EGF: variants seen among roughly 807,000 people sequenced by gnomAD.
EGF encodes the protein pro-epidermal growth factor.
EGF carries 95 observed loss-of-function variants against 143.8 expected under a neutral mutation model. That is an observed-to-expected ratio of 0.66 (90% confidence interval 0.56 to 0.78). The LOEUF (loss-of-function observed/expected upper bound fraction) is 0.78. Among genes scored for constraint, EGF ranks in the 30% least tolerant of loss-of-function variants. The pLI, the probability that EGF is intolerant of heterozygous loss-of-function variation, is 0.00. For synonymous variants in EGF, 510 were observed against 510.5 expected (o/e 1.00, Z 0.01); for missense variants, 1,320 against 1,470.9 (o/e 0.90, Z 1.68).
rs149962037 is a variant in EGF, at chr4:109,970,629, A to C, written c.1724+1510A>C. Reference sequence around the variant, plus strand: ...ATCACAAGGTCAGGAGATCGAGACCATCCTGGCTAACATGGTGAAACCCCG... The same window carrying C: ...ATCACAAGGTCAGGAGATCGAGACCCTCCTGGCTAACATGGTGAAACCCCG... On this transcript the variant is annotated intron_variant, in intron 11 of 23. Coordinates refer to ENST00000265171, the MANE Select transcript of EGF (RefSeq NM_001963.6). Among the ~76,000 whole-genome samples the C allele has an allele frequency of 6.0e-3, 914 of 152,160 alleles. 13 individuals carry two copies. The highest frequency in any genetic ancestry group is 0.021 in the African/African-American group (871 of 41,498).
chr4:109,977,536 TAA>T (rs201467416), intron 13 of EGF: 7 of 142,622 alleles, frequency 4.9e-5, no homozygotes, highest in Admixed American at 7.0e-5. Flanking sequence ...CATACATTAC[TAA>T]AAAAAAAAAA....
chr4:110,001,153 C>T (rs1325867366), intron 21 of EGF, among the ~76,000 whole-genome samples: 1 of 152,192 alleles, frequency 6.6e-6, no homozygotes, highest in Non-Finnish European at 1.5e-5. Context: ...GTGTCCTAAC[C>T]TCTGTATTCA....
At chr4:109,981,590 T>A (rs1749368327) in intron 15 of EGF, among the ~76,000 whole-genome samples, 1 of 152,236 alleles carries the variant, frequency 6.6e-6, no homozygotes, top group Non-Finnish European at 1.5e-5. Context: ...CCTTGATATC[T>A]TTCTAGCAGA....
rs1037514557 is a variant in EGF at position 109,983,210 on chromosome 4, G to A, written c.2372-212G>A. 5.3e-5 allele frequency among the ~76,000 whole-genome samples: 8 copies of A among 152,010 alleles called. No individual in the cohort carries two copies. The East Asian group carries it at 1.2e-3, about 22-fold the overall frequency. On this transcript the variant is annotated intron_variant, in intron 15 of 23. Transcript: ENST00000265171. Reference sequence around the variant, plus strand: ...CTTCCGTACTGGTTCCTTATCCCCCGAATCATTAAGTGCTCAGTGAAAATG... The same window carrying A: ...CTTCCGTACTGGTTCCTTATCCCCCAAATCATTAAGTGCTCAGTGAAAATG...
intron 22 of EGF, 91 bp from the exon 23 acceptor site, chr4:110,008,061 A>G (rs1753543201): frequency 4.2e-6 from 5 of 1,193,806 alleles, no homozygotes; most frequent in South Asian, 3.7e-5. Context: ...TAGGATGAAC[A>G]TCGTAAAGCC....
intron 17 of EGF, 26 bp from the exon 18 acceptor site, chr4:109,988,558 G>A (rs779962289): frequency 1.3e-5 from 21 of 1,613,718 alleles, no homozygotes; most frequent in East Asian, 8.9e-5. Context: ...CCTAAATATT[G>A]CACTAGTTCA....
chr4:109,986,276 G>T (rs1374380695), intron 16 of EGF, among the ~76,000 whole-genome samples: 1 of 152,194 alleles, frequency 6.6e-6, no homozygotes, highest in African/African-American at 2.4e-5. Context: ...AATTCTGCAA[G>T]TGATTTAAAA....
chr4:109,978,211 T>C lies in EGF; in HGVS notation c.2054-1761T>C, dbSNP rs150598712. On this transcript the variant is annotated intron_variant, in intron 13 of 23. Transcript: ENST00000265171. ...TGAGGTAATGCATTTGTTAATTGGC[T>C]AGATTCAGCCATTCCACAATGTATA... 7.7e-4 allele frequency among the ~76,000 whole-genome samples: 118 copies of C among 152,358 alleles called. 1 individual carries two copies. The highest frequency in any genetic ancestry group is 5.3e-4 in the Non-Finnish European group (36 of 68,036).
At chr4:109,930,234 A>T (rs547769468) in intron 1 of EGF, among the ~76,000 whole-genome samples, 1 of 152,202 alleles carries the variant, frequency 6.6e-6, no homozygotes, top group Non-Finnish European at 1.5e-5. Flanking sequence ...GGACTAATAC[A>T]GTGCTCTTTT....
intron 12 of EGF, among the ~76,000 whole-genome samples, chr4:109,975,011 A>G (rs922440238): frequency 3.3e-5 from 5 of 152,206 alleles, no homozygotes; most frequent in Non-Finnish European, 5.9e-5. Flanking sequence ...AAATAAATTC[A>G]GTTTGTTTTT....
At chr4:110,001,529 G>A in intron 21 of EGF, 13 of 828,098 alleles carry the variant, frequency 1.6e-5, no homozygotes, top group Non-Finnish European at 1.9e-5. Flanking sequence ...CCAAAGGGCA[G>A]GAAAAAAAAA....
chr4:109,976,055 A>T lies in EGF; in HGVS notation c.1873A>T (p.Ser625Cys). 1 of 1,614,022 alleles carries T rather than the reference A, an allele frequency of 6.2e-7. No homozygotes were observed. Among genetic ancestry groups the T allele is most frequent in the Non-Finnish European group, 8.5e-7 (1 of 1,179,870 alleles). ...TACAGGGATTAATCCACGAATTGAA[A>T]GTTCTTCCCTCCAAGGCCTTGGCCG... The part of the protein sequence containing the change: ...TDTGINPRIE[S>C]SSLQGLGRLV... The change falls in exon 13 of 24, where the codon AGT (serine) becomes TGT (cysteine). Residue 625 changes from serine to cysteine, a missense_variant. By Grantham distance (112) the Ser-to-Cys change is moderately radical. This residue lies in a region of EGF where 1,186 missense variants were observed against 1,313.7 expected (regional missense o/e 0.90). Coordinates refer to ENST00000265171, the MANE Select transcript of EGF (RefSeq NM_001963.6).
intron 16 of EGF, among the ~76,000 whole-genome samples, chr4:109,984,384 A>T (rs1749828759): frequency 6.6e-6 from 1 of 152,102 alleles, no homozygotes; most frequent in African/African-American, 2.4e-5. Flanking sequence ...TATCAGTGTG[A>T]TTTTTTTATA....
At chr4:109,999,903 T>A in intron 21 of EGF, 57 bp downstream of exon 21, 1 of 1,608,356 alleles carries the variant, frequency 6.2e-7, no homozygotes, top group Non-Finnish European at 8.5e-7. Flanking sequence ...CCCAGGGGAA[T>A]GCCTGTCTCC....
intron 1 of EGF, among the ~76,000 whole-genome samples, chr4:109,935,714 T>C (rs1278366756): frequency 6.6e-6 from 1 of 152,174 alleles, no homozygotes; most frequent in Non-Finnish European, 1.5e-5. Context: ...TTTTATTATT[T>C]TGAGATACGT....
chr4:110,003,154 A>G (rs1376637653), intron 21 of EGF, among the ~76,000 whole-genome samples: 1 of 152,112 alleles, frequency 6.6e-6, no homozygotes, highest in Non-Finnish European at 1.5e-5. Context: ...TGGTAGAATG[A>G]TTTATATTCC....
chr4:110,002,641 CTTTG>C (rs1752716411), intron 21 of EGF, among the ~76,000 whole-genome samples: 1 of 151,934 alleles, frequency 6.6e-6, no homozygotes, highest in Admixed American at 6.6e-5. Flanking sequence ...CAAAGTATAA[CTTTG>C]TTTTTTTGTG....
rs1176590335 is a variant in EGF, at chr4:109,960,949, T to C, written c.1149T>C (p.Pro383=). Residue 383 remains proline, a synonymous_variant, in exon 7 of 24, where the codon CCT becomes CCC. Transcript: ENST00000265171. ...CTGGATCCTATTACTGCACGTGCCC[T>C]GTAGGATTTGTTCTGCTTCCTGATG... is the stretch of plus-strand genomic sequence containing the variant. ...NTPGSYYCTC[P]VGFVLLPDGK... 6.2e-7 allele frequency: 1 copy of C among 1,613,936 alleles called. No homozygotes were observed. Among genetic ancestry groups the C allele is most frequent in the Non-Finnish European group, 8.5e-7 (1 of 1,179,872 alleles).
intron 22 of EGF, among the ~76,000 whole-genome samples, chr4:110,006,933 CA>C (rs1753388090): frequency 6.6e-6 from 1 of 152,184 alleles, no homozygotes; most frequent in Non-Finnish European, 1.5e-5. Context: ...TTCCCCACCT[CA>C]GCCCAGAATT....
Sources: allele counts gnomAD v4.1 joint callset (sites outside exome capture counted in the v4.1 genomes callset), GRCh38; gene constraint gnomAD v4.1.1; regional missense constraint gnomAD v4.1.1; transcripts MANE v1.5; gene names NCBI Gene and HGNC (gene_info 2026-07-23, HGNC 2026-07-21).